Variants in EIF4G3 observed in about 807,000 individuals in gnomAD.
EIF4G3 encodes eIF-4-gamma 3.
A neutral mutation model predicts 186.4 loss-of-function variants in EIF4G3; 34 were observed. The observed-to-expected ratio is 0.18, with a 90% CI of 0.14 to 0.24. EIF4G3 has a LOEUF of 0.24. Among genes scored for constraint, EIF4G3 ranks in the 10% least tolerant of loss-of-function variants. EIF4G3 has a pLI of 1.00. For missense variants in EIF4G3, 1,536 were observed against 1,948.5 expected (o/e 0.79, Z 3.99); for synonymous variants, 673 against 679.5 (o/e 0.99, Z 0.15).
rs374765328 is a variant in EIF4G3 at position 21,074,631 on chromosome 1, A to G, written c.-196+14507T>C. 3.3e-5 allele frequency among the ~76,000 whole-genome samples: 5 copies of G among 152,310 alleles called. No individual in the cohort carries two copies. The East Asian group carries it at 9.6e-4, about 29-fold the overall frequency. On this transcript the variant is annotated intron_variant, in intron 3 of 36. Coordinates refer to ENST00000602326, the MANE Select transcript of EIF4G3 (RefSeq NM_001391906.1). ...TTACTTTTCCATACCAAATAATTCA[A>G]ACGCATTAAACAGGAAAAAAAGATT... is the stretch of plus-strand genomic sequence containing the variant.
At chr1:20,868,972 A>G (rs983689588) in intron 20 of EIF4G3, among the ~76,000 whole-genome samples, 1 of 152,192 alleles carries the variant, frequency 6.6e-6, no homozygotes, top group Admixed American at 6.5e-5. Flanking sequence ...TACTGCTGAC[A>G]TATTTGTTAG....
intron 14 of EIF4G3, among the ~76,000 whole-genome samples, chr1:20,931,820 G>A (rs1392432062): frequency 6.6e-6 from 1 of 152,052 alleles, no homozygotes; most frequent in Non-Finnish European, 1.5e-5. Flanking sequence ...AGCTACTCAG[G>A]AGGCTGAGGC....
intron 4 of EIF4G3, among the ~76,000 whole-genome samples, chr1:21,019,617 G>A (rs1278520481): frequency 6.6e-6 from 1 of 152,198 alleles, no homozygotes; most frequent in Non-Finnish European, 1.5e-5. Flanking sequence ...TAGAGCAAGA[G>A]AAGTTATTTA....
chr1:21,154,013 G>A (rs2097592365), intron 2 of EIF4G3, among the ~76,000 whole-genome samples: 1 of 152,216 alleles, frequency 6.6e-6, no homozygotes, highest in African/African-American at 2.4e-5. Context: ...TAAAGGTTAA[G>A]AAGCACCAGA....
intron 4 of EIF4G3, among the ~76,000 whole-genome samples, chr1:21,025,414 A>C (rs1337762787): frequency 6.6e-6 from 1 of 152,288 alleles, no homozygotes; most frequent in East Asian, 1.9e-4. Flanking sequence ...GTACATAGTG[A>C]TAAGGGCCTG....
At chr1:20,942,776 G>A (rs2095772914) in intron 13 of EIF4G3, among the ~76,000 whole-genome samples, 1 of 151,814 alleles carries the variant, frequency 6.6e-6, no homozygotes, top group African/African-American at 2.4e-5. Context: ...TATTATAAAG[G>A]GACTGATGTT....
intron 20 of EIF4G3, among the ~76,000 whole-genome samples, chr1:20,869,834 T>G (rs1037817275): frequency 1.3e-5 from 2 of 150,998 alleles, no homozygotes; most frequent in Admixed American, 6.6e-5. Flanking sequence ...AAAAAAAAAT[T>G]GTTTAATAAA....
intron 3 of EIF4G3, 37 bp from the exon 4 acceptor site, chr1:21,051,031 T>C (rs772405477): frequency 1.4e-6 from 1 of 714,920 alleles, no homozygotes; most frequent in Non-Finnish European, 2.6e-6. Flanking sequence ...AACATTATAT[T>C]AGTAAATCAA....
At chr1:20,866,349 C>T (rs1277735671) in intron 20 of EIF4G3, among the ~76,000 whole-genome samples, 1 of 152,152 alleles carries the variant, frequency 6.6e-6, no homozygotes, top group Admixed American at 6.5e-5. Flanking sequence ...AATGTATTCC[C>T]TACGATGTAT....
chr1:20,963,764 G>A (rs959527860), intron 12 of EIF4G3, among the ~76,000 whole-genome samples: 4 of 151,876 alleles, frequency 2.6e-5, no homozygotes, highest in Admixed American at 1.3e-4. Flanking sequence ...GACCAGCCTG[G>A]GTCAACACGA....
intron 12 of EIF4G3, among the ~76,000 whole-genome samples, chr1:20,954,501 A>G (rs2096339693): frequency 7.5e-6 from 1 of 133,884 alleles, no homozygotes; most frequent in Admixed American, 8.7e-5. Flanking sequence ...GCGCCACTGC[A>G]TTCCAGCCTG....
At chr1:21,023,300 C>T (rs1293458598) in intron 4 of EIF4G3, among the ~76,000 whole-genome samples, 2 of 140,388 alleles carry the variant, frequency 1.4e-5, no homozygotes, top group African/African-American at 5.3e-5. Context: ...TCTCTTTCCA[C>T]GTCTCCCTCT....
intron 4 of EIF4G3, among the ~76,000 whole-genome samples, chr1:21,005,128 G>T (rs12747839): frequency 0.027 from 4,175 of 152,214 alleles, 88 homozygotes; most frequent in Non-Finnish European, 0.038. Context: ...CTGAAAGGCT[G>T]AAAGTTTGAC....
chr1:20,865,282 TAAAA>T lies in EIF4G3; in HGVS notation c.2623-24_2623-21del. 6.2e-7 allele frequency: 1 copy of T among 1,602,658 alleles called. No homozygotes were observed. The highest frequency in any genetic ancestry group is 1.1e-5 in the South Asian group (1 of 88,700). On this transcript the variant is annotated intron_variant, in intron 20 of 36. Coordinates refer to ENST00000602326, the MANE Select transcript of EIF4G3 (RefSeq NM_001391906.1). ...TTTCAGCTACATCCAGACAGGAAAA[TAAAA>T]AAAATCAACAAGATTACTTAAAGAC...
At chr1:21,166,646 G>T (rs1428526657) in intron 2 of EIF4G3, among the ~76,000 whole-genome samples, 1 of 152,144 alleles carries the variant, frequency 6.6e-6, no homozygotes, top group Non-Finnish European at 1.5e-5. Context: ...AGAATTGCTT[G>T]AACCTAGGAG....
At chr1:21,100,330 A>C (rs1472465980) in intron 2 of EIF4G3, among the ~76,000 whole-genome samples, 2 of 152,198 alleles carry the variant, frequency 1.3e-5, no homozygotes, top group South Asian at 2.1e-4. Flanking sequence ...AATACAGTTA[A>C]CTGTACATTT....
chr1:20,839,182 T>C (rs2067674698), intron 30 of EIF4G3, among the ~76,000 whole-genome samples: 1 of 152,032 alleles, frequency 6.6e-6, no homozygotes, highest in South Asian at 2.1e-4. Context: ...TTTCACCATG[T>C]TAGCCAGGAT....
At chr1:20,989,064 AGGGGAGGGGAGGGGAGG>A (rs2080302352) in intron 7 of EIF4G3, among the ~76,000 whole-genome samples, 1 of 9,820 alleles carries the variant, frequency 1.0e-4, no homozygotes, top group African/African-American at 4.9e-4. Flanking sequence ...AGAGGAGGGG[AGGGGAGGGGAGGGGAGG>A]GGAGAGGAGA....
intron 20 of EIF4G3, among the ~76,000 whole-genome samples, chr1:20,874,002 C>G (rs2080019940): frequency 6.6e-6 from 1 of 152,104 alleles, no homozygotes; most frequent in Non-Finnish European, 1.5e-5. Context: ...CATCCACGTC[C>G]CTGAAAAGGA....
Sources: gnomAD v4.1 joint callset for allele counts (sites outside exome capture counted in the v4.1 genomes callset) on GRCh38, gnomAD v4.1.1 for gene constraint, MANE v1.5 for transcripts, NCBI Gene and HGNC (gene_info 2026-07-23, HGNC 2026-07-21) for gene names.